The following SPAG9 variants were observed in gnomAD, a reference collection of about 807,000 sequenced individuals.
The protein encoded by SPAG9 is C-Jun-amino-terminal kinase-interacting protein 4.
SPAG9 carries 35 observed loss-of-function variants against 166.5 expected under a neutral mutation model. The observed-to-expected ratio is 0.21, with a 90% CI of 0.16 to 0.28. SPAG9 has a LOEUF of 0.28. SPAG9 is among the 10% of genes least tolerant of loss of function. The pLI is 1.00. For missense variants in SPAG9, 1,235 were observed against 1,603.3 expected (o/e 0.77, Z 3.92); for synonymous variants, 534 against 565.5 (o/e 0.94, Z 0.79).
Position 50,965,572 on chromosome 17 carries a change from A to C in SPAG9, c.*700T>G, listed in dbSNP as rs1393276133. 3 of 152,218 alleles carry C rather than the reference A, an allele frequency of 2.0e-5. No homozygotes were observed. Among genetic ancestry groups the C allele is most frequent in the African/African-American group, 7.2e-5 (3 of 41,452 alleles). 9.4% of individuals were successfully genotyped at this position (152,218 alleles called of 1,614,324 possible). ...TGAAAATGAGACTGGTCTCAAAAAA[A>C]ACCCATCAGAATATTCAGAGAAGTA... On this transcript the variant is annotated 3_prime_UTR_variant, in exon 30 of 30. Coordinates refer to ENST00000262013, the MANE Select transcript of SPAG9 (RefSeq NM_001130528.3).
At position 51,047,483 on chromosome 17, in the gene SPAG9, A is replaced by G. The variant is rs1462235323; in HGVS notation, c.496-14T>C. Reference sequence around the variant, plus strand: ...ATTATGGATCATCTATTTTAAAGAAAGAAAAAATACACAATATTTAAGGCT... The same window carrying G: ...ATTATGGATCATCTATTTTAAAGAAGGAAAAAATACACAATATTTAAGGCT... On this transcript the variant is annotated splice_polypyrimidine_tract_variant and intron_variant, in intron 3 of 29. Coordinates refer to ENST00000262013, the MANE Select transcript of SPAG9 (RefSeq NM_001130528.3). 5.0e-6 allele frequency: 6 copies of G among 1,203,628 alleles called. No individual in the cohort carries two copies. Among genetic ancestry groups the G allele is most frequent in the Non-Finnish European group, 6.9e-6 (6 of 863,504 alleles). The allele number at this position is 1,203,628 out of a possible 1,614,324, so 74.6% of individuals were successfully genotyped here. A position where few individuals can be genotyped will look rare whatever the true frequency, so the allele number is the denominator to read the frequency against.
At chr17:51,060,148 C>A (rs1487140168) in intron 2 of SPAG9, among the ~76,000 whole-genome samples, 2 of 152,036 alleles carry the variant, frequency 1.3e-5, no homozygotes, top group Admixed American at 1.3e-4. Flanking sequence ...CCTCACCCCC[C>A]AAATTCATAG....
At chr17:51,098,878 G>C (rs2048718948) in intron 1 of SPAG9, among the ~76,000 whole-genome samples, 1 of 151,650 alleles carries the variant, frequency 6.6e-6, no homozygotes, top group African/African-American at 2.4e-5. Context: ...AAGGCGGGCG[G>C]ATCACAAGGT....
intron 2 of SPAG9, among the ~76,000 whole-genome samples, chr17:51,064,439 T>C (rs1180803002): frequency 2.6e-5 from 4 of 152,206 alleles, no homozygotes; most frequent in African/African-American, 9.6e-5. Context: ...AGAGTTTTGG[T>C]TGTTTCTAGC....
At chr17:51,015,097 A>C (rs2045642166) in intron 8 of SPAG9, among the ~76,000 whole-genome samples, 1 of 152,158 alleles carries the variant, frequency 6.6e-6, no homozygotes, top group Non-Finnish European at 1.5e-5. Flanking sequence ...CAAAAGGACA[A>C]AGAGAATAGA....
At chr17:51,110,173 G>C (rs759840377) in intron 1 of SPAG9, among the ~76,000 whole-genome samples, 19 of 152,140 alleles carry the variant, frequency 1.2e-4, no homozygotes, top group Non-Finnish European at 1.6e-4. Flanking sequence ...AATTTAAAAT[G>C]GTTCAGCAAT....
chr17:51,010,568 G>T, intron 9 of SPAG9, among the ~76,000 whole-genome samples: 1 of 124,856 alleles, frequency 8.0e-6, no homozygotes, highest in South Asian at 2.6e-4. Flanking sequence ...GGCAAGAAAA[G>T]AAAAAAAAAA....
intron 1 of SPAG9, among the ~76,000 whole-genome samples, chr17:51,089,412 G>C (rs1266120608): frequency 1.3e-5 from 2 of 151,034 alleles, no homozygotes; most frequent in African/African-American, 4.9e-5. Flanking sequence ...CAACAAGAGT[G>C]AAACTCTGTC....
At chr17:51,051,703 C>T (rs2047189594) in intron 3 of SPAG9, among the ~76,000 whole-genome samples, 1 of 152,032 alleles carries the variant, frequency 6.6e-6, no homozygotes, top group African/African-American at 2.4e-5. Context: ...CTGGGCAACA[C>T]AACGAGACTC....
intron 1 of SPAG9, among the ~76,000 whole-genome samples, chr17:51,089,623 TATA>T (rs1568077182): frequency 3.1e-5 from 1 of 32,632 alleles, no homozygotes; most frequent in Non-Finnish European, 5.9e-5. Flanking sequence ...CTTTATTTTA[TATA>T]TATATATATA....
At chr17:51,074,867 T>G (rs1035652497) in intron 2 of SPAG9, among the ~76,000 whole-genome samples, 5 of 151,932 alleles carry the variant, frequency 3.3e-5, no homozygotes, top group African/African-American at 1.2e-4. Flanking sequence ...ATTGACATAC[T>G]CAAACAGTCC....
intron 19 of SPAG9, among the ~76,000 whole-genome samples, chr17:50,993,095 CA>C (rs71149332): frequency 0.31 from 23,421 of 75,478 alleles, 2,123 homozygotes; most frequent in Admixed American, 0.39. Flanking sequence ...GACTCCATCT[CA>C]AAAAAAAAAA....
intron 3 of SPAG9, among the ~76,000 whole-genome samples, chr17:51,048,039 C>T (rs1435866726): frequency 3.3e-5 from 5 of 152,064 alleles, no homozygotes; most frequent in Non-Finnish European, 7.4e-5. Context: ...AAAATACTTT[C>T]TCCTTTGACT....
chr17:51,079,544 C>T lies in SPAG9; in HGVS notation c.424+40G>A, dbSNP rs1346886482. On this transcript the variant is annotated intron_variant, in intron 2 of 29. Coordinates refer to ENST00000262013, the MANE Select transcript of SPAG9 (RefSeq NM_001130528.3). ...GTGAGCCACCACGTCTGGCCAAGCCCAATCTTTAGTGTACTTATGAGAAGA... is the reference window on the plus strand; with the variant it reads ...GTGAGCCACCACGTCTGGCCAAGCCTAATCTTTAGTGTACTTATGAGAAGA... The T allele has an allele frequency of 3.1e-6, 5 of 1,602,234 alleles. No homozygotes were observed. The Admixed American group carries it at 6.9e-5, about 22-fold the overall frequency.
intron 4 of SPAG9, among the ~76,000 whole-genome samples, chr17:51,045,547 C>A (rs971261821): frequency 7.2e-5 from 11 of 152,024 alleles, no homozygotes; most frequent in Admixed American, 2.6e-4. Flanking sequence ...GAAGTTACTA[C>A]TTTAATTCTT....
At chr17:51,014,082 C>G in intron 9 of SPAG9, 150 bp downstream of exon 9, 2 of 568,226 alleles carry the variant, frequency 3.5e-6, no homozygotes, top group Non-Finnish European at 5.4e-6. Context: ...CTTTCATGAT[C>G]ACAAAGAATA....
intron 2 of SPAG9, among the ~76,000 whole-genome samples, chr17:51,064,398 G>C (rs144044992): frequency 3.2e-4 from 49 of 152,266 alleles, no homozygotes; most frequent in African/African-American, 1.1e-3. Context: ...CTTCAAAACT[G>C]TATTACTACA....
chr17:51,013,919 T>TAC (rs1567998693), intron 9 of SPAG9, among the ~76,000 whole-genome samples: 33 of 135,750 alleles, frequency 2.4e-4, no homozygotes, highest in African/African-American at 1.1e-3. Flanking sequence ...CACACACACA[T>TAC]ACACACACAC....
intron 8 of SPAG9, 100 bp from the exon 9 acceptor site, chr17:51,014,453 C>T: frequency 1.0e-6 from 1 of 962,562 alleles, no homozygotes; most frequent in South Asian, 3.2e-5. Context: ...GACTTTCTTA[C>T]CTATAATTTA....
Sources: allele counts gnomAD v4.1 joint callset (sites outside exome capture counted in the v4.1 genomes callset), GRCh38; gene constraint gnomAD v4.1.1; transcripts MANE v1.5; gene names NCBI Gene and HGNC (gene_info 2026-07-23, HGNC 2026-07-21).